CHN1: variants seen among roughly 807,000 people sequenced by gnomAD.
The protein encoded by CHN1 is chimerin 1.
A neutral mutation model predicts 59.5 loss-of-function variants in CHN1; 37 were observed. The ratio of observed to expected loss-of-function variants is 0.62; its 90% CI spans 0.48 to 0.82. The LOEUF (loss-of-function observed/expected upper bound fraction) is 0.82. Among genes scored for constraint, CHN1 ranks in the 40% least tolerant of loss-of-function variants. The probability of loss-of-function intolerance (pLI) is 0.00; values close to 1 mark genes in which losing one functional copy is unlikely to be tolerated. For missense variants in CHN1, 469 were observed against 571.0 expected (o/e 0.82, Z 1.82); for synonymous variants, 206 against 200.4 (o/e 1.03, Z -0.24).
chr2:174,815,512 C>T (rs1001797303), intron 8 of CHN1, among the ~76,000 whole-genome samples: 1 of 151,856 alleles, frequency 6.6e-6, no homozygotes, highest in Non-Finnish European at 1.5e-5. Context: ...CCGGTGAGTT[C>T]CTTTTAGTTA....
At chr2:174,939,507 CT>C (rs1246790813) in intron 3 of CHN1, among the ~76,000 whole-genome samples, 1 of 151,952 alleles carries the variant, frequency 6.6e-6, no homozygotes, top group East Asian at 1.9e-4. Flanking sequence ...TTTATTATGT[CT>C]TCATTTGTGA....
intron 5 of CHN1, among the ~76,000 whole-genome samples, chr2:174,889,597 T>C (rs1218922719): frequency 6.6e-6 from 1 of 151,958 alleles, no homozygotes; most frequent in African/African-American, 2.4e-5. Flanking sequence ...TAAAAAGGGA[T>C]TCAACAGCAG....
At chr2:174,930,048 A>T (rs1010030066) in intron 3 of CHN1, among the ~76,000 whole-genome samples, 3 of 152,178 alleles carry the variant, frequency 2.0e-5, no homozygotes, top group Non-Finnish European at 4.4e-5. Context: ...CTTTAACAGG[A>T]TACTTTTTTA....
chr2:174,805,614 AG>A (rs1188916853), intron 11 of CHN1, among the ~76,000 whole-genome samples: 1 of 152,244 alleles, frequency 6.6e-6, no homozygotes, highest in African/African-American at 2.4e-5. Flanking sequence ...TGAGAGGTCC[AG>A]GGAAGAGCAG....
intron 5 of CHN1, among the ~76,000 whole-genome samples, chr2:174,887,969 T>C (rs1342827495): frequency 6.6e-6 from 1 of 152,200 alleles, no homozygotes; most frequent in Non-Finnish European, 1.5e-5. Flanking sequence ...CCTTAGTTCA[T>C]TTTTAAAGAC....
At chr2:174,847,891 T>G (rs1275513995) in intron 6 of CHN1, 9 of 402,012 alleles carry the variant, frequency 2.2e-5, no homozygotes, top group African/African-American at 4.4e-5. Flanking sequence ...AAAATTAACA[T>G]ACATACAGCA....
intron 3 of CHN1, among the ~76,000 whole-genome samples, chr2:174,938,040 A>C (rs1454460976): frequency 1.3e-5 from 2 of 152,112 alleles, no homozygotes; most frequent in African/African-American, 4.8e-5. Context: ...GTTAAAAAAA[A>C]ATTTTTTTAA....
At chr2:174,910,984 C>T (rs547618046) in intron 5 of CHN1, among the ~76,000 whole-genome samples, 1 of 151,646 alleles carries the variant, frequency 6.6e-6, no homozygotes, top group African/African-American at 2.4e-5. Flanking sequence ...TATTAGCTCT[C>T]CACAAGGTTT....
intron 6 of CHN1, among the ~76,000 whole-genome samples, chr2:174,866,161 C>T (rs1481991037): frequency 2.6e-5 from 4 of 151,972 alleles, no homozygotes; most frequent in Non-Finnish European, 5.9e-5. Context: ...AAACAAATCT[C>T]AAAAAGTTAA....
At chr2:174,900,883 A>C (rs932792882) in intron 5 of CHN1, among the ~76,000 whole-genome samples, 7 of 152,208 alleles carry the variant, frequency 4.6e-5, no homozygotes, top group Admixed American at 4.6e-4. Context: ...TAAATTTTAT[A>C]AAATAAAATT....
chr2:174,934,415 T>C (rs1349614929), intron 3 of CHN1, among the ~76,000 whole-genome samples: 1 of 152,222 alleles, frequency 6.6e-6, no homozygotes, highest in Non-Finnish European at 1.5e-5. Flanking sequence ...GGCAGTAATG[T>C]GAGCAATGGG....
intron 3 of CHN1, among the ~76,000 whole-genome samples, chr2:174,942,081 T>A (rs1689683792): frequency 6.6e-6 from 1 of 152,154 alleles, no homozygotes; most frequent in African/African-American, 2.4e-5. Flanking sequence ...AATACAGCCA[T>A]TATGGAAAAT....
At chr2:174,811,454 G>T in intron 10 of CHN1, 57 bp downstream of exon 10, 1 of 1,152,224 alleles carries the variant, frequency 8.7e-7, no homozygotes, top group Non-Finnish European at 1.3e-6. Context: ...AAGAAATTGT[G>T]CCTTTTTAGA....
At chr2:174,937,238 G>C (rs568902136) in intron 3 of CHN1, among the ~76,000 whole-genome samples, 1 of 152,204 alleles carries the variant, frequency 6.6e-6, no homozygotes, top group South Asian at 2.1e-4. Context: ...CCAAAACAAG[G>C]GGTAGACCAC....
chr2:174,912,080 C>G (rs1688719385), intron 5 of CHN1, among the ~76,000 whole-genome samples: 1 of 151,976 alleles, frequency 6.6e-6, no homozygotes, highest in African/African-American at 2.4e-5. Flanking sequence ...GTACAGCACC[C>G]AGGGCTTGCC....
At chr2:174,850,007 T>A (rs1429000233) in intron 6 of CHN1, among the ~76,000 whole-genome samples, 1 of 152,176 alleles carries the variant, frequency 6.6e-6, no homozygotes, top group Non-Finnish European at 1.5e-5. Context: ...TAATTATCAA[T>A]GGATGGTAAG....
chr2:174,804,725 C>G (rs187522019), intron 11 of CHN1, among the ~76,000 whole-genome samples: 1 of 152,126 alleles, frequency 6.6e-6, no homozygotes, highest in South Asian at 2.1e-4. Flanking sequence ...GCAGCGAGGA[C>G]GAGGCCTCTA....
chr2:174,930,072 C>T (rs1264929316), intron 3 of CHN1, among the ~76,000 whole-genome samples: 1 of 152,164 alleles, frequency 6.6e-6, no homozygotes, highest in Non-Finnish European at 1.5e-5. Flanking sequence ...AGTCGATGGC[C>T]TAATGCCTAA....
At chr2:174,868,628 C>G (rs576901349) in intron 6 of CHN1, among the ~76,000 whole-genome samples, 123 of 152,244 alleles carry the variant, frequency 8.1e-4, no homozygotes, top group African/African-American at 2.9e-3. Context: ...ATAGGTTTTC[C>G]TAAAGGCAAC....
Sources: allele counts gnomAD v4.1 joint callset (sites outside exome capture counted in the v4.1 genomes callset), GRCh38; gene constraint gnomAD v4.1.1; transcripts MANE v1.5; gene names NCBI Gene and HGNC (gene_info 2026-07-23, HGNC 2026-07-21).